Variants in PTPRH observed in about 807,000 individuals in gnomAD.
The protein encoded by PTPRH is protein tyrosine phosphatase receptor type H, also known as receptor-type tyrosine-protein phosphatase H.
Under a neutral mutation model 130.2 loss-of-function variants are expected in PTPRH, and 113 were observed. That is an observed-to-expected ratio of 0.87 (90% CI 0.75 to 1.01). The LOEUF is 1.01. Among genes scored for constraint, PTPRH ranks in the 50% least tolerant of loss-of-function variants. The pLI, the probability that PTPRH is intolerant of heterozygous loss-of-function variation, is 0.00. For missense variants in PTPRH, 1,430 were observed against 1,425.0 expected, an observed-to-expected ratio of 1.00 and a Z score of -0.06; for synonymous variants, 556 against 577.9, an observed-to-expected ratio of 0.96 and a Z score of 0.54.
intron 7 of PTPRH, among the ~76,000 whole-genome samples, chr19:55,199,503 G>T (rs1179275906): frequency 6.6e-6 from 1 of 152,100 alleles, no homozygotes; most frequent in African/African-American, 2.4e-5. Flanking sequence ...TACTTGGAAG[G>T]CAGAGGCAGG....
chr19:55,192,310 G>A (rs2086566839), intron 10 of PTPRH, among the ~76,000 whole-genome samples: 1 of 151,874 alleles, frequency 6.6e-6, no homozygotes, highest in African/African-American at 2.4e-5. Flanking sequence ...GCTGAGGCAG[G>A]AGAATGGCGT....
chr19:55,193,944 G>A (rs1490631980), intron 10 of PTPRH: 6 of 317,480 alleles, frequency 1.9e-5, no homozygotes, highest in African/African-American at 1.1e-4. Context: ...CGCCTCCTGG[G>A]TTCTAGTGAT....
At chr19:55,190,369 C>T (rs1013866788) in intron 12 of PTPRH, among the ~76,000 whole-genome samples, 2 of 104,660 alleles carry the variant, frequency 1.9e-5, no homozygotes, top group African/African-American at 3.6e-5. Context: ...GACTCCACCT[C>T]AAAAAAAAAA....
At position 55,183,239 on chromosome 19, in the gene PTPRH, C is replaced by CA. The variant is rs765527438; in HGVS notation, c.3063-1089dup. Among the ~76,000 whole-genome samples, 434 of 121,736 alleles carry CA rather than the reference C, an allele frequency of 3.6e-3. 2 individuals carry two copies. The highest frequency in any genetic ancestry group is 7.0e-3 in the African/African-American group (236 of 33,782). The allele number at this position is 121,736 out of a possible 152,430, so 79.9% of individuals were successfully genotyped here. On this transcript the variant is annotated intron_variant, in intron 18 of 19. Transcript: ENST00000376350. ...TGAAACCCCGTCTCTACTAAAGTAC[C>CA]AAAAAAAAAAAAAAATTACCCGGGT... is the stretch of plus-strand genomic sequence containing the variant.
chr19:55,184,932 C>T (rs1269111137), intron 18 of PTPRH, among the ~76,000 whole-genome samples: 1 of 152,116 alleles, frequency 6.6e-6, no homozygotes, highest in Non-Finnish European at 1.5e-5. Flanking sequence ...CATCCCCATC[C>T]TGTGGCTTCA....
intron 14 of PTPRH, 62 bp downstream of exon 14, chr19:55,187,451 A>G: frequency 1.5e-6 from 2 of 1,346,814 alleles, no homozygotes; most frequent in Non-Finnish European, 2.1e-6. Context: ...GGAGAAGGGG[A>G]CTGGGGTGGG....
At chr19:55,197,657 A>G (rs2086729614) in intron 8 of PTPRH, among the ~76,000 whole-genome samples, 1 of 152,062 alleles carries the variant, frequency 6.6e-6, no homozygotes, top group Non-Finnish European at 1.5e-5. Context: ...GTTCTTCCCA[A>G]ATGCACACCA....
rs755599963 is a variant in PTPRH at position 55,202,123 on chromosome 19, A to G, written c.1086T>C (p.Tyr362=). 1 of 1,614,192 alleles carries G rather than the reference A, an allele frequency of 6.2e-7. No individual in the cohort carries two copies. Among genetic ancestry groups the G allele is most frequent in the Admixed American group, 1.7e-5 (1 of 60,022 alleles). The change falls in exon 6 of 20, where the codon TAT becomes TAC. Residue 362 remains tyrosine (Y), a synonymous_variant. Transcript: ENST00000376350. ...TVDRLEPGCL[Y]VFSVWVGKNG... is the part of the protein sequence containing the mutation. The stretch of plus-strand genomic sequence containing the variant: ...TCTTCCCCACCCACACGGAAAACAC[A>G]TACAAACACCCGGGTTCAAGTCTAT...
intron 12 of PTPRH, among the ~76,000 whole-genome samples, chr19:55,190,886 G>A (rs2086516099): frequency 6.6e-6 from 1 of 151,778 alleles, no homozygotes; most frequent in Non-Finnish European, 1.5e-5. Context: ...CTGTCACCCA[G>A]GCTGCAGTGC....
At chr19:55,200,669 G>A (rs556118216) in intron 6 of PTPRH, among the ~76,000 whole-genome samples, 167 bp from the exon 7 acceptor site, 24 of 152,276 alleles carry the variant, frequency 1.6e-4, no homozygotes, top group Admixed American at 7.2e-4. Context: ...TGTGCCGGGC[G>A]TGGTGGCTCA....
chr19:55,207,392 C>T, intron 1 of PTPRH, 193 bp from the exon 2 acceptor site: 1 of 603,790 alleles, frequency 1.7e-6, no homozygotes, highest in South Asian at 2.1e-5. Flanking sequence ...GGGAGCATGG[C>T]AGGAGCAGAG....
chr19:55,186,925 G>A (rs1035724384), intron 14 of PTPRH, among the ~76,000 whole-genome samples: 5 of 151,886 alleles, frequency 3.3e-5, no homozygotes, highest in African/African-American at 1.2e-4. Context: ...GGCGCCTGTA[G>A]TCCCAGCTAC....
intron 14 of PTPRH, 62 bp downstream of exon 14, chr19:55,187,427 TCTCAAAGCGGGTAGGAGAAGGGGA>T (rs2086391883): frequency 1.3e-5 from 13 of 1,027,434 alleles, no homozygotes; most frequent in Non-Finnish European, 1.9e-5. Context: ...AGGACTTGTT[TCTCAAAGCGGGTAGGAGAAGGGGA>T]CTGGGGTGGG....
In PTPRH at chr19:55,196,782, T is replaced by A; in HGVS notation, c.1997A>T (p.Asp666Val). 1.2e-6 allele frequency: 2 copies of A among 1,611,394 alleles called. No homozygotes were observed. Among genetic ancestry groups the A allele is most frequent in the Non-Finnish European group, 1.7e-6 (2 of 1,177,746 alleles). ...GACACAGGAAGTGATGGTGACTGTG[T>A]CTGGGTCTGGGTGAAGGAAGCAAGA... ...TQSLCASTYP[D>V]TVTITSCVST... Residue 666 changes from aspartate to valine, a missense_variant, in exon 10 of 20, where the codon GAC (aspartate) becomes GTC (valine). Asp to Val is a radical substitution (Grantham distance 152). Coordinates refer to ENST00000376350, the MANE Select transcript of PTPRH (RefSeq NM_002842.5).
rs879862532 is a variant in PTPRH at position 55,200,899 on chromosome 19, C to T, written c.1154-397G>A. Among the ~76,000 whole-genome samples, 12 of 151,636 alleles carry T rather than the reference C, an allele frequency of 7.9e-5. No homozygotes were observed. In the South Asian group the frequency reaches 8.3e-4, roughly 11 times the overall value. On this transcript the variant is annotated intron_variant, in intron 6 of 19. Transcript: ENST00000376350. ...CGGAGCTTGCAGTGAGCCGAGATCG[C>T]GCCACTGCACTCCAGCCTGGGCGAC...
At chr19:55,188,976 A>C (rs1318581407) in intron 12 of PTPRH, among the ~76,000 whole-genome samples, 1 of 151,812 alleles carries the variant, frequency 6.6e-6, no homozygotes, top group Non-Finnish European at 1.5e-5. Context: ...CTGTAGTTTC[A>C]CTTTCTTTCT....
At chr19:55,203,610 C>A (rs1369245133) in intron 5 of PTPRH, among the ~76,000 whole-genome samples, 172 bp downstream of exon 5, 1 of 151,780 alleles carries the variant, frequency 6.6e-6, no homozygotes, top group Non-Finnish European at 1.5e-5. Flanking sequence ...ACAGGCTGAC[C>A]AGTTTCTTTG....
chr19:55,191,743 T>C lies in PTPRH; in HGVS notation c.2258-2A>G. The C allele has an allele frequency of 1.2e-6, 2 of 1,613,194 alleles. No homozygotes were observed. Among genetic ancestry groups the C allele is most frequent in the Admixed American group, 1.7e-5 (1 of 60,008 alleles). On this transcript the variant is annotated splice_acceptor_variant, in intron 10 of 19. Coordinates refer to ENST00000376350, the MANE Select transcript of PTPRH (RefSeq NM_002842.5). LOFTEE classifies it high-confidence loss of function. ...CCACAAAGGCTCCGGCAATGACCCC[T>C]GTGGGGAGGAGGCATCGGGAACCCT...
chr19:55,192,160 T>C (rs1718037900), intron 10 of PTPRH: 1 of 356,356 alleles, frequency 2.8e-6, no homozygotes. Context: ...CCCAGCACTT[T>C]GGGAGGCGGA....
Sources: gnomAD v4.1 joint callset for allele counts (sites outside exome capture counted in the v4.1 genomes callset) on GRCh38, gnomAD v4.1.1 for gene constraint, MANE v1.5 for transcripts, NCBI Gene and HGNC (gene_info 2026-07-23, HGNC 2026-07-21) for gene names.